EFHC2: variants seen among roughly 807,000 people sequenced by gnomAD.
The protein encoded by EFHC2 is EF-hand domain containing 2.
Under a neutral mutation model 52.7 loss-of-function variants are expected in EFHC2, and 18 were observed. The observed-to-expected ratio is 0.34, with a 90% CI of 0.24 to 0.51. The LOEUF (loss-of-function observed/expected upper bound fraction) is 0.51, where lower values mean the gene tolerates loss of function less well. EFHC2 is among the 20% of genes least tolerant of loss of function. EFHC2 has a pLI of 0.97. For synonymous variants in EFHC2, 203 were observed against 204.1 expected, an observed-to-expected ratio of 0.99 and a Z score of 0.04; for missense variants, 513 against 562.5, an observed-to-expected ratio of 0.91 and a Z score of 0.89.
At chrX:44,158,818 A>G (rs1437675586) in intron 14 of EFHC2, among the ~76,000 whole-genome samples, 1 of 111,787 alleles carries the variant, frequency 8.9e-6, no homozygotes, top group Non-Finnish European at 1.9e-5. Context: ...TCACACTGCT[A>G]GGCTCTCAGT....
intron 1 of EFHC2, among the ~76,000 whole-genome samples, chrX:44,313,452 G>A (rs1036338237): frequency 9.0e-6 from 1 of 111,641 alleles, no homozygotes; most frequent in African/African-American, 3.3e-5. Flanking sequence ...CAAAGAGAGA[G>A]GCATATATGT....
chrX:44,178,129 T>TCACACACACACACACACACACACA (rs201977577), intron 12 of EFHC2, among the ~76,000 whole-genome samples: 30 of 83,949 alleles, frequency 3.6e-4, no homozygotes, highest in African/African-American at 6.5e-4. Flanking sequence ...AGATGCCATA[T>TCACACACACACACACACACACACA]CACACACACA....
chrX:44,152,588 G>A (rs1177157645), intron 14 of EFHC2, among the ~76,000 whole-genome samples: 3 of 111,397 alleles, frequency 2.7e-5, no homozygotes, highest in Admixed American at 9.6e-5. Context: ...AGTATGAAGA[G>A]GGAAATCACC....
At chrX:44,304,409 A>G (rs2037889310) in intron 2 of EFHC2, among the ~76,000 whole-genome samples, 1 of 112,141 alleles carries the variant, frequency 8.9e-6, no homozygotes, top group African/African-American at 3.2e-5. Flanking sequence ...TGGCGGGACC[A>G]GAACCAGAAT....
chrX:44,163,534 G>A (rs1206337752), intron 14 of EFHC2, among the ~76,000 whole-genome samples: 1 of 111,677 alleles, frequency 9.0e-6, no homozygotes, highest in African/African-American at 3.3e-5. Context: ...GCACAGCCGC[G>A]GATACCCGGA....
chrX:44,309,741 G>A (rs1569305889), intron 2 of EFHC2: 13 of 973,227 alleles, frequency 1.3e-5, no homozygotes, highest in African/African-American at 1.9e-5. Context: ...CTCGTTTCTT[G>A]AGCCAGAATA....
chrX:44,222,929 A>T (rs2037204978), intron 11 of EFHC2, among the ~76,000 whole-genome samples: 1 of 111,814 alleles, frequency 8.9e-6, no homozygotes, highest in African/African-American at 3.3e-5. Flanking sequence ...TTAGCAATCC[A>T]AGTATATAAT....
chrX:44,323,422 C>T lies in EFHC2; in HGVS notation c.43-10666G>A, dbSNP rs934759112. 1.3e-4 allele frequency among the ~76,000 whole-genome samples: 14 copies of T among 111,955 alleles called. No individual in the cohort carries two copies. In the South Asian group the frequency reaches 1.9e-3, roughly 15 times the overall value. On this transcript the variant is annotated intron_variant, in intron 1 of 14. Coordinates refer to ENST00000420999, the MANE Select transcript of EFHC2 (RefSeq NM_025184.4). Reference sequence around the variant, plus strand: ...TCAAAGGAGTATACTATGGAGCAGTCGATGCCAGAGAAAAAATCATGTAGA... The same window carrying T: ...TCAAAGGAGTATACTATGGAGCAGTTGATGCCAGAGAAAAAATCATGTAGA...
intron 11 of EFHC2, among the ~76,000 whole-genome samples, chrX:44,222,234 C>T (rs968072426): frequency 1.8e-5 from 2 of 110,820 alleles, no homozygotes; most frequent in Non-Finnish European, 3.8e-5. Context: ...GGAGAAAGTG[C>T]CTTAGCGTGA....
At chrX:44,211,733 G>A (rs1034994689) in intron 11 of EFHC2, among the ~76,000 whole-genome samples, 2 of 106,180 alleles carry the variant, frequency 1.9e-5, no homozygotes, top group African/African-American at 6.9e-5. Flanking sequence ...TTAGCTGGGC[G>A]TGGTGGCGGG....
At chrX:44,262,708 T>C (rs745876692) in intron 3 of EFHC2, among the ~76,000 whole-genome samples, 11 of 110,942 alleles carry the variant, frequency 9.9e-5, no homozygotes, top group Non-Finnish European at 2.1e-4. Context: ...GCAGTAAGAA[T>C]AGCCTAAATA....
intron 2 of EFHC2, among the ~76,000 whole-genome samples, chrX:44,282,905 C>T (rs1448199685): frequency 1.8e-5 from 2 of 109,087 alleles, no homozygotes; most frequent in Non-Finnish European, 3.8e-5. Context: ...GCTGGATGGC[C>T]GTGGGGAGGT....
At chrX:44,191,381 G>A (rs1463198716) in intron 11 of EFHC2, among the ~76,000 whole-genome samples, 4 of 110,531 alleles carry the variant, frequency 3.6e-5, no homozygotes, top group East Asian at 2.9e-4. Flanking sequence ...AATTACAGGC[G>A]CCCGCCACCA....
At chrX:44,237,012 C>T (rs1336289509) in intron 8 of EFHC2, among the ~76,000 whole-genome samples, 4 of 104,440 alleles carry the variant, frequency 3.8e-5, no homozygotes, top group Non-Finnish European at 7.9e-5. Flanking sequence ...TTCAATATGC[C>T]TTTTTTTTTT....
Sources: allele counts gnomAD v4.1 joint callset (sites outside exome capture counted in the v4.1 genomes callset), GRCh38; gene constraint gnomAD v4.1.1; transcripts MANE v1.5; gene names NCBI Gene and HGNC (gene_info 2026-07-23, HGNC 2026-07-21).